Variants in NTM observed in about 807,000 individuals in gnomAD.
The protein encoded by NTM is IgLON family member 2.
NTM carries 13 observed loss-of-function variants against 42.1 expected under a neutral mutation model. The observed-to-expected ratio is 0.31, with a 90% CI of 0.20 to 0.49. The LOEUF is 0.49. Ranked by LOEUF, NTM falls within the 20% of genes least tolerant of loss-of-function variation. The pLI is 0.99. For synonymous variants in NTM, 187 were observed against 179.2 expected (o/e 1.04, Z -0.35); for missense variants, 373 against 452.8 (o/e 0.82, Z 1.60).
At chr11:131,732,661 C>G (rs3105607) in intron 1 of NTM, among the ~76,000 whole-genome samples, 2 of 152,024 alleles carry the variant, frequency 1.3e-5, no homozygotes, top group African/African-American at 4.8e-5. Context: ...TGCATGTTAC[C>G]TTTATGTATT....
intron 1 of NTM, among the ~76,000 whole-genome samples, chr11:131,425,096 G>T (rs1329529503): frequency 1.3e-5 from 2 of 150,540 alleles, no homozygotes; most frequent in African/African-American, 4.9e-5. Context: ...TGGCCAGGCT[G>T]GTTTTGAACA....
At chr11:131,424,878 T>A (rs1161085353) in intron 1 of NTM, among the ~76,000 whole-genome samples, 5 of 143,508 alleles carry the variant, frequency 3.5e-5, no homozygotes, top group African/African-American at 7.7e-5. Context: ...TTTTTTTTTT[T>A]TTATTTTTTT....
chr11:132,111,913 A>G (rs2063258776), intron 2 of NTM, among the ~76,000 whole-genome samples: 1 of 152,252 alleles, frequency 6.6e-6, no homozygotes, highest in South Asian at 2.1e-4. Flanking sequence ...TGCTTGAGGC[A>G]GAAGGAAACC....
chr11:131,850,096 G>A (rs1207343508), intron 1 of NTM, among the ~76,000 whole-genome samples: 1 of 152,042 alleles, frequency 6.6e-6, no homozygotes, highest in Non-Finnish European at 1.5e-5. Context: ...AGCTTTAATT[G>A]CTTGCTAATA....
Position 131,525,228 on chromosome 11 carries a change from T to C in NTM, c.82+154340T>C, listed in dbSNP as rs545897301. On this transcript the variant is annotated intron_variant, in intron 1 of 8. Transcript: ENST00000683400. ...AACCACCTGTCTGCCAAGGGCACTC[T>C]GGGCAGCTGAGCAACAATCTCTCTC... Among the ~76,000 whole-genome samples, 3 of 152,270 alleles carry C rather than the reference T, an allele frequency of 2.0e-5. No homozygotes were observed. In the South Asian group the frequency reaches 6.2e-4, roughly 32 times the overall value.
At chr11:132,067,476 T>C (rs1434770890) in intron 2 of NTM, among the ~76,000 whole-genome samples, 4 of 152,148 alleles carry the variant, frequency 2.6e-5, no homozygotes, top group African/African-American at 9.7e-5. Flanking sequence ...ATGGATATGA[T>C]CCACCCCAAG....
At chr11:131,606,976 C>T (rs1001387962) in intron 1 of NTM, among the ~76,000 whole-genome samples, 6 of 152,216 alleles carry the variant, frequency 3.9e-5, no homozygotes, top group African/African-American at 1.4e-4. Context: ...TCAGCCTCCT[C>T]CTCCTGAGCC....
At chr11:131,447,817 G>GC (rs772121644) in intron 1 of NTM, among the ~76,000 whole-genome samples, 31 of 152,268 alleles carry the variant, frequency 2.0e-4, no homozygotes, top group Non-Finnish European at 3.7e-4. Context: ...CTCCATTTGG[G>GC]CCTCCAGCAC....
At chr11:131,498,063 C>T (rs1170957200) in intron 1 of NTM, among the ~76,000 whole-genome samples, 1 of 152,218 alleles carries the variant, frequency 6.6e-6, no homozygotes, top group Non-Finnish European at 1.5e-5. Context: ...TGTGTTCTCT[C>T]CGTTTCTCCA....
chr11:132,027,078 G>A (rs985909250), intron 2 of NTM, among the ~76,000 whole-genome samples: 2 of 152,176 alleles, frequency 1.3e-5, no homozygotes, highest in Non-Finnish European at 2.9e-5. Flanking sequence ...TTAGTACAAG[G>A]CTTGAAAAAC....
At chr11:131,774,267 C>A (rs2086612710) in intron 1 of NTM, 1 of 206,594 alleles carries the variant, frequency 4.8e-6, no homozygotes, top group Non-Finnish European at 8.5e-6. Context: ...TTAGTAGCAT[C>A]TCAGGCAGAA....
intron 1 of NTM, among the ~76,000 whole-genome samples, chr11:131,420,777 T>C (rs1947421995): frequency 6.6e-6 from 1 of 152,110 alleles, no homozygotes; most frequent in Non-Finnish European, 1.5e-5. Flanking sequence ...ATGCATTTGT[T>C]TTATTTCTTT....
chr11:131,765,391 G>C (rs2084937049), intron 1 of NTM, among the ~76,000 whole-genome samples: 2 of 152,178 alleles, frequency 1.3e-5, no homozygotes, highest in South Asian at 4.1e-4. Flanking sequence ...GGCTACGCCA[G>C]GTTCAACCCC....
intron 1 of NTM, among the ~76,000 whole-genome samples, chr11:131,630,402 G>C (rs2063535309): frequency 6.6e-6 from 1 of 152,198 alleles, no homozygotes; most frequent in South Asian, 2.1e-4. Flanking sequence ...ATTGAATCTA[G>C]GGAAAACCTT....
intron 1 of NTM, among the ~76,000 whole-genome samples, chr11:131,829,941 C>G (rs2042608318): frequency 6.6e-6 from 1 of 152,126 alleles, no homozygotes; most frequent in Non-Finnish European, 1.5e-5. Context: ...TGATGTGGAA[C>G]AGGTTTTTCT....
At chr11:132,178,253 A>G (rs1464004350) in intron 3 of NTM, among the ~76,000 whole-genome samples, 2 of 152,186 alleles carry the variant, frequency 1.3e-5, no homozygotes, top group Non-Finnish European at 2.9e-5. Flanking sequence ...TGAAACAACA[A>G]AGAAGAGAAG....
chr11:131,700,216 G>A (rs950301241), intron 1 of NTM, among the ~76,000 whole-genome samples: 1 of 152,016 alleles, frequency 6.6e-6, no homozygotes, highest in Non-Finnish European at 1.5e-5. Context: ...GTCTTTCTTG[G>A]CCAGAGATTC....
intron 3 of NTM, among the ~76,000 whole-genome samples, chr11:132,208,482 C>T (rs1330449427): frequency 6.6e-6 from 1 of 152,216 alleles, no homozygotes; most frequent in Admixed American, 6.5e-5. Flanking sequence ...CAACTTCTAC[C>T]TCATGAGTTG....
intron 1 of NTM, among the ~76,000 whole-genome samples, chr11:131,823,872 A>G (rs2093289555): frequency 6.6e-6 from 1 of 152,238 alleles, no homozygotes; most frequent in Non-Finnish European, 1.5e-5. Context: ...TTTAAAGTGC[A>G]CAAATACAAG....
Sources: gnomAD v4.1 joint callset for allele counts (sites outside exome capture counted in the v4.1 genomes callset) on GRCh38, gnomAD v4.1.1 for gene constraint, MANE v1.5 for transcripts, NCBI Gene and HGNC (gene_info 2026-07-23, HGNC 2026-07-21) for gene names.